The following DNAJB6 variants were observed in gnomAD, a reference collection of about 807,000 sequenced individuals.
DNAJB6 encodes DnaJ heat shock protein family (Hsp40) member B6, also known as dnaJ homolog subfamily B member 6.
In DNAJB6, 16 loss-of-function variants were observed where a neutral mutation model predicts 42.7. The observed-to-expected ratio is 0.37, with a 90% confidence interval of 0.25 to 0.57. The LOEUF (loss-of-function observed/expected upper bound fraction) is 0.57. DNAJB6 is among the 20% of genes least tolerant of loss of function. The pLI is 0.74. For synonymous variants in DNAJB6, 170 were observed against 163.5 expected, an observed-to-expected ratio of 1.04 and a Z score of -0.30; for missense variants, 347 against 416.8, an observed-to-expected ratio of 0.83 and a Z score of 1.46.
At chr7:157,363,654 A>C (rs1450967037) in intron 3 of DNAJB6, among the ~76,000 whole-genome samples, 1 of 152,158 alleles carries the variant, frequency 6.6e-6, no homozygotes, top group Admixed American at 6.6e-5. Flanking sequence ...AAACAATACC[A>C]TTCCAGTGGA....
At chr7:157,386,027 A>G in intron 8 of DNAJB6, 5 of 992,228 alleles carry the variant, frequency 5.0e-6, no homozygotes, top group Non-Finnish European at 6.0e-6. Context: ...TGAAGTTAAC[A>G]TTGCCAGGAC....
chr7:157,387,599 T>C (rs768003596), intron 8 of DNAJB6, among the ~76,000 whole-genome samples: 21 of 152,196 alleles, frequency 1.4e-4, no homozygotes, highest in Non-Finnish European at 2.8e-4. Flanking sequence ...TGAAAAGTCT[T>C]TACCTGTAAT....
rs1378919689 is a variant in DNAJB6, at chr7:157,405,780, G to A, written c.692-4015G>A. On this transcript the variant is annotated intron_variant, in intron 8 of 9. Transcript: ENST00000262177. ...GGCCTGGGAGGGACCGGGAGGCCGA[G>A]TCCGAGGCGAGAGCCATGGGGTGGT... Among the ~76,000 whole-genome samples the A allele has an allele frequency of 2.6e-5, 4 of 152,256 alleles. No individual in the cohort carries two copies. In the South Asian group the frequency reaches 8.3e-4, roughly 32 times the overall value.
At chr7:157,400,450 G>A (rs1198409560) in intron 8 of DNAJB6, among the ~76,000 whole-genome samples, 1 of 150,616 alleles carries the variant, frequency 6.6e-6, no homozygotes, top group Admixed American at 6.6e-5. Flanking sequence ...CTTCTCCTTG[G>A]TGTGGCCGTC....
At chr7:157,340,991 T>TGC (rs1358438793) in intron 1 of DNAJB6, among the ~76,000 whole-genome samples, 44 of 74,212 alleles carry the variant, frequency 5.9e-4, no homozygotes, top group African/African-American at 1.9e-3. Flanking sequence ...TGTGTGTGTG[T>TGC]GTGTGTGCGC....
chr7:157,396,428 TG>T (rs1379938822), intron 8 of DNAJB6, among the ~76,000 whole-genome samples: 1 of 152,210 alleles, frequency 6.6e-6, no homozygotes, highest in Non-Finnish European at 1.5e-5. Context: ...CTTTATGTAG[TG>T]GGCAGTTAGA....
chr7:157,402,960 C>T (rs980514582), intron 8 of DNAJB6, among the ~76,000 whole-genome samples: 11 of 152,214 alleles, frequency 7.2e-5, no homozygotes, highest in African/African-American at 1.2e-4. Flanking sequence ...TTTATTTTGC[C>T]GAGGTTGAGG....
rs911545016 is a variant in DNAJB6, at chr7:157,405,871, T to G, written c.692-3924T>G. Among the ~76,000 whole-genome samples, 11 of 152,346 alleles carry G rather than the reference T, an allele frequency of 7.2e-5. No homozygotes were observed. The East Asian group carries it at 2.1e-3, about 29-fold the overall frequency. On this transcript the variant is annotated intron_variant, in intron 8 of 9. Transcript: ENST00000262177. ...CTGCTGTGACTGTTCTCCAGCCACT[T>G]TCTCTTTTTCATTTTTCTTGCTGGA...
At chr7:157,400,469 C>G (rs1200397416) in intron 8 of DNAJB6, among the ~76,000 whole-genome samples, 3 of 152,224 alleles carry the variant, frequency 2.0e-5, no homozygotes, top group Non-Finnish European at 4.4e-5. Flanking sequence ...TCGGCTCCAT[C>G]CTGGTCATCC....
intron 1 of DNAJB6, among the ~76,000 whole-genome samples, chr7:157,352,113 C>G (rs540904929): frequency 2.6e-5 from 4 of 151,560 alleles, no homozygotes; most frequent in Admixed American, 1.3e-4. Context: ...GAGCGGATAA[C>G]GAGGTCAGGA....
At chr7:157,410,285 GTGC>G in intron 9 of DNAJB6, 1 of 620,144 alleles carries the variant, frequency 1.6e-6, no homozygotes. Flanking sequence ...GCAGTGCGAG[GTGC>G]TGCTTTTACC....
At chr7:157,344,454 A>C (rs575572109) in intron 1 of DNAJB6, among the ~76,000 whole-genome samples, 1 of 151,914 alleles carries the variant, frequency 6.6e-6, no homozygotes, top group East Asian at 1.9e-4. Context: ...TGGAGGTTGC[A>C]GTGAGCTGAG....
intron 8 of DNAJB6, among the ~76,000 whole-genome samples, chr7:157,400,973 T>C (rs547853111): frequency 6.6e-4 from 100 of 152,266 alleles, no homozygotes; most frequent in African/African-American, 2.3e-3. Flanking sequence ...CTTTCTGTCT[T>C]AAAAGGGGAG....
chr7:157,367,156 T>G (rs1039803502), intron 4 of DNAJB6, among the ~76,000 whole-genome samples: 2 of 152,194 alleles, frequency 1.3e-5, no homozygotes, highest in African/African-American at 4.8e-5. Context: ...AAAAGTAGTG[T>G]CGAAGGGGCC....
chr7:157,342,705 G>A (rs558535113), intron 1 of DNAJB6, among the ~76,000 whole-genome samples: 3 of 151,964 alleles, frequency 2.0e-5, no homozygotes, highest in Non-Finnish European at 4.4e-5. Flanking sequence ...CACCTTCCTC[G>A]ACCTTCCAAA....
At chr7:157,371,529 A>C (rs372594223) in intron 5 of DNAJB6, among the ~76,000 whole-genome samples, 2 of 152,238 alleles carry the variant, frequency 1.3e-5, no homozygotes, top group African/African-American at 2.4e-5. Context: ...TTTACAGAAG[A>C]AGCCCTCCCA....
At chr7:157,338,389 A>G in intron 1 of DNAJB6, among the ~76,000 whole-genome samples, 1 of 150,690 alleles carries the variant, frequency 6.6e-6, no homozygotes, top group Non-Finnish European at 1.5e-5. Context: ...GCCAGAGTGC[A>G]GTGGCGCGAT....
intron 9 of DNAJB6, 120 bp from the exon 10 acceptor site, chr7:157,415,896 G>A (rs2116697938): frequency 6.4e-7 from 1 of 1,570,096 alleles, no homozygotes; most frequent in Middle Eastern, 1.7e-4. Flanking sequence ...GGCCAAGATA[G>A]ATGACTTCAT....
intron 1 of DNAJB6, among the ~76,000 whole-genome samples, chr7:157,340,908 C>T (rs1302291002): frequency 6.6e-6 from 1 of 152,028 alleles, no homozygotes; most frequent in Non-Finnish European, 1.5e-5. Flanking sequence ...CTCAGGTGAT[C>T]CCCTGCCTCC....
Sources: allele counts gnomAD v4.1 joint callset (sites outside exome capture counted in the v4.1 genomes callset), GRCh38; gene constraint gnomAD v4.1.1; transcripts MANE v1.5; gene names NCBI Gene and HGNC (gene_info 2026-07-23, HGNC 2026-07-21).